Variants in ARSG observed in about 807,000 individuals in gnomAD.
The protein encoded by ARSG is arylsulfatase G.
ARSG carries 37 observed loss-of-function variants against 50.5 expected under a neutral mutation model. That is an observed-to-expected ratio of 0.73 (90% CI 0.56 to 0.96). The LOEUF (loss-of-function observed/expected upper bound fraction) is 0.96, where lower values mean the gene tolerates loss of function less well. Among genes scored for constraint, ARSG ranks in the 50% least tolerant of loss-of-function variants. ARSG has a pLI of 0.00. For synonymous variants in ARSG, 225 were observed against 254.6 expected, an observed-to-expected ratio of 0.88 and a Z score of 1.11; for missense variants, 629 against 675.3, an observed-to-expected ratio of 0.93 and a Z score of 0.76.
the ARSG span, among the ~76,000 whole-genome samples, chr17:68,437,003 A>ATATATAT: frequency 1.3e-4 from 8 of 60,394 alleles, no homozygotes; most frequent in South Asian, 3.9e-4. Context: ...CAAAAAAAAA[A>ATATATAT]AAATATATAT....
At chr17:68,330,985 G>A (rs1442674506) in intron 2 of ARSG, among the ~76,000 whole-genome samples, 3 of 144,530 alleles carry the variant, frequency 2.1e-5, no homozygotes, top group South Asian at 2.3e-4. Context: ...TTGCGGGGGG[G>A]GGGGGAGGTG....
intron 3 of ARSG, among the ~76,000 whole-genome samples, chr17:68,346,484 C>G (rs572225462): frequency 1.2e-4 from 18 of 152,306 alleles, no homozygotes; most frequent in African/African-American, 3.8e-4. Context: ...GGGTGGCGTC[C>G]CTGGGGTCTA....
chr17:68,272,628 A>T (rs1247152562), intron 1 of ARSG: 1 of 1,613,360 alleles, frequency 6.2e-7, no homozygotes, highest in East Asian at 2.2e-5. Flanking sequence ...AGGCTGTTGT[A>T]GTCCACCTAC....
chr17:68,433,869 A>G, the ARSG span, among the ~76,000 whole-genome samples: 1 of 138,766 alleles, frequency 7.2e-6, no homozygotes, highest in Non-Finnish European at 1.5e-5. Flanking sequence ...TGCAACCTCT[A>G]CCTCCTGGGT....
the ARSG span, among the ~76,000 whole-genome samples, chr17:68,440,171 A>AATCC: frequency 6.6e-6 from 1 of 152,192 alleles, no homozygotes; most frequent in Admixed American, 6.5e-5. Context: ...CACCTCTACC[A>AATCC]ATCCATCTGA....
At chr17:68,426,251 G>GGGGGGT, downstream of ARSG, 15 of 825,456 alleles carry the variant, frequency 1.8e-5, 3 homozygotes, top group East Asian at 6.9e-5. Flanking sequence ...GTGGGGAGCG[G>GGGGGGT]GGGCTCAAAT....
intron 11 of ARSG, among the ~76,000 whole-genome samples, chr17:68,401,994 C>G (rs2081492906): frequency 6.6e-6 from 1 of 152,154 alleles, no homozygotes; most frequent in African/African-American, 2.4e-5. Flanking sequence ...GACTCTCAAT[C>G]CCGAGTCCTA....
At chr17:68,398,286 T>A (rs2081334924) in intron 10 of ARSG, among the ~76,000 whole-genome samples, 1 of 152,228 alleles carries the variant, frequency 6.6e-6, no homozygotes. Context: ...TGCACATATA[T>A]GTATACACAT....
chr17:68,304,061 CTTCT>C (rs1452562028), intron 1 of ARSG, among the ~76,000 whole-genome samples: 3 of 152,306 alleles, frequency 2.0e-5, no homozygotes, highest in Admixed American at 1.3e-4. Flanking sequence ...TAAATTTTAG[CTTCT>C]TTCTTAAGTG....
chr17:68,383,943 G>A (rs2080569740), intron 8 of ARSG, among the ~76,000 whole-genome samples: 1 of 152,170 alleles, frequency 6.6e-6, no homozygotes, highest in Admixed American at 6.5e-5. Context: ...GGACTCCAAA[G>A]CTGATTATGA....
At chr17:68,282,492 TAAA>T (rs61418415) in intron 1 of ARSG, among the ~76,000 whole-genome samples, 1 of 145,318 alleles carries the variant, frequency 6.9e-6, no homozygotes, top group African/African-American at 2.5e-5. Context: ...CCCTAGAACT[TAAA>T]AAAAAAAAAA....
chr17:68,292,461 G>T lies in ARSG; in HGVS notation c.-552+893G>T, dbSNP rs181942406. 3.8e-4 allele frequency among the ~76,000 whole-genome samples: 58 copies of T among 152,318 alleles called. No homozygotes were observed. In the East Asian group the frequency reaches 0.011, roughly 28 times the overall value. On this transcript the variant is annotated intron_variant, in intron 1 of 11. Coordinates refer to ENST00000621439, the MANE Select transcript of ARSG (RefSeq NM_001267727.2). ...TAGACATTTCAGAGCCTGCGGGGGC[G>T]CAAACTTAGCTTCTTGGTCTCTACC... is the stretch of plus-strand genomic sequence containing the variant.
intron 4 of ARSG, among the ~76,000 whole-genome samples, chr17:68,350,807 A>AAAATG (rs1324935235): frequency 1.4e-5 from 2 of 143,000 alleles, no homozygotes; most frequent in Non-Finnish European, 3.1e-5. Flanking sequence ...AAAATAAAAT[A>AAAATG]AAATAAATAA....
chr17:68,412,634 G>A (rs1032515505), intron 11 of ARSG, among the ~76,000 whole-genome samples: 32 of 152,082 alleles, frequency 2.1e-4, no homozygotes, highest in African/African-American at 5.1e-4. Context: ...TCTTTGTGGC[G>A]TTCTCTGTAT....
chr17:68,450,604 A>G, the ARSG span: 1 of 1,283,708 alleles, frequency 7.8e-7, no homozygotes, highest in Non-Finnish European at 1.1e-6. Flanking sequence ...ACGGGGCCTG[A>G]GTGTTAACAT....
chr17:68,282,492 TAAAAAA>T (rs61418415), intron 1 of ARSG, among the ~76,000 whole-genome samples: 38 of 145,318 alleles, frequency 2.6e-4, no homozygotes, highest in African/African-American at 9.3e-4. Flanking sequence ...CCCTAGAACT[TAAAAAA>T]AAAAAAAACT....
At chr17:68,437,082 C>T in the ARSG span, among the ~76,000 whole-genome samples, 26 of 151,270 alleles carry the variant, frequency 1.7e-4, no homozygotes, top group Non-Finnish European at 3.1e-4. Flanking sequence ...TCTGAAACAG[C>T]ATCTACTTTT....
chr17:68,414,590 A>G (rs1273179847), intron 11 of ARSG, among the ~76,000 whole-genome samples: 1 of 152,202 alleles, frequency 6.6e-6, no homozygotes, highest in Non-Finnish European at 1.5e-5. Context: ...GAATAGTGTC[A>G]AAAGGGTTGG....
Position 68,367,179 on chromosome 17 carries a change from G to C in ARSG, c.705-1369G>C, listed in dbSNP as rs906435160. Among the ~76,000 whole-genome samples the C allele has an allele frequency of 6.6e-6, 1 of 152,218 alleles. No individual in the cohort carries two copies. Among genetic ancestry groups the C allele is most frequent in the Non-Finnish European group, 1.5e-5 (1 of 68,048 alleles). On this transcript the variant is annotated intron_variant, in intron 6 of 11. Coordinates refer to ENST00000621439, the MANE Select transcript of ARSG (RefSeq NM_001267727.2). The surrounding 1 kb of genome is among the most constrained non-coding windows in gnomAD (Gnocchi z 4.5). ...TCTAGCAATGTTGCAGAGAAAGTGT[G>C]GATTAAAATGGGGAAGGCAGACGCC...
Sources: allele counts gnomAD v4.1 joint callset (sites outside exome capture counted in the v4.1 genomes callset), GRCh38; gene constraint gnomAD v4.1.1; non-coding constraint Gnocchi (gnomAD v3.1); transcripts MANE v1.5; gene names NCBI Gene and HGNC (gene_info 2026-07-23, HGNC 2026-07-21).